The following SLC4A10 variants were observed in gnomAD, a reference collection of about 807,000 sequenced individuals.
SLC4A10 encodes sodium-driven chloride bicarbonate exchanger.
SLC4A10 carries 42 observed loss-of-function variants against 137.7 expected under a neutral mutation model. The ratio of observed to expected loss-of-function variants is 0.30; its 90% CI spans 0.24 to 0.39. The LOEUF is 0.39. Among genes scored for constraint, SLC4A10 ranks in the 10% least tolerant of loss-of-function variants. The pLI, the probability that SLC4A10 is intolerant of heterozygous loss-of-function variation, is 1.00. For synonymous variants in SLC4A10, 474 were observed against 464.1 expected, an observed-to-expected ratio of 1.02 and a Z score of -0.27; for missense variants, 925 against 1,355.0, an observed-to-expected ratio of 0.68 and a Z score of 4.98.
chr2:161,982,737 T>C (rs575469254), intron 26 of SLC4A10, among the ~76,000 whole-genome samples: 1 of 152,230 alleles, frequency 6.6e-6, no homozygotes, highest in East Asian at 1.9e-4. Context: ...CAGGATCCAG[T>C]CCATGCACAA....
At chr2:161,632,138 CT>C (rs1031560645) in intron 1 of SLC4A10, among the ~76,000 whole-genome samples, 3 of 151,588 alleles carry the variant, frequency 2.0e-5, no homozygotes, top group Non-Finnish European at 3.0e-5. Flanking sequence ...TTTCTAGTGT[CT>C]TTTTTCCCCC....
chr2:161,638,042 C>T (rs550128837), intron 1 of SLC4A10, among the ~76,000 whole-genome samples: 1 of 152,206 alleles, frequency 6.6e-6, no homozygotes, highest in South Asian at 2.1e-4. Flanking sequence ...TACCTTTTGT[C>T]AGATGCAAGG....
intron 1 of SLC4A10, among the ~76,000 whole-genome samples, chr2:161,703,305 T>TATTGGTATTCTATCAA (rs780455081): frequency 4.0e-5 from 6 of 151,716 alleles, no homozygotes; most frequent in Non-Finnish European, 7.4e-5. Flanking sequence ...TTCAATAAAG[T>TATTGGTATTCTATCAA]ATGGTACCTC....
chr2:161,701,809 G>C (rs373103046), intron 1 of SLC4A10, among the ~76,000 whole-genome samples: 2 of 151,700 alleles, frequency 1.3e-5, no homozygotes, highest in South Asian at 4.2e-4. Context: ...TCCCACATAT[G>C]AATGTGAAAT....
chr2:161,826,503 G>C (rs1036640383), intron 3 of SLC4A10, among the ~76,000 whole-genome samples: 2 of 152,188 alleles, frequency 1.3e-5, no homozygotes, highest in Non-Finnish European at 2.9e-5. Flanking sequence ...TGTCCAGAAA[G>C]TGTCTAAAAA....
intron 15 of SLC4A10, among the ~76,000 whole-genome samples, chr2:161,917,409 ATAGT>A (rs1231005037): frequency 6.6e-6 from 1 of 152,056 alleles, no homozygotes; most frequent in Non-Finnish European, 1.5e-5. Context: ...GATAGTGTAG[ATAGT>A]TAGATAGTTG....
intron 15 of SLC4A10, among the ~76,000 whole-genome samples, chr2:161,908,600 A>T (rs1685044654): frequency 8.3e-6 from 1 of 120,780 alleles, no homozygotes; most frequent in African/African-American, 3.2e-5. Context: ...AATAAAATTA[A>T]AAAAAAAAAA....
intron 1 of SLC4A10, among the ~76,000 whole-genome samples, chr2:161,672,667 A>C (rs1477620942): frequency 6.6e-6 from 1 of 152,142 alleles, no homozygotes; most frequent in Non-Finnish European, 1.5e-5. Context: ...CTGTCCTTTC[A>C]AGATTATATA....
chr2:161,633,768 A>G (rs761739969), intron 1 of SLC4A10, among the ~76,000 whole-genome samples: 1 of 151,786 alleles, frequency 6.6e-6, no homozygotes, highest in Non-Finnish European at 1.5e-5. Flanking sequence ...ATATAGAAGT[A>G]TGTCAATGAT....
chr2:161,808,505 T>C (rs1413807144), intron 3 of SLC4A10, among the ~76,000 whole-genome samples: 1 of 152,120 alleles, frequency 6.6e-6, no homozygotes, highest in Non-Finnish European at 1.5e-5. Context: ...GTTTGGGATA[T>C]GGATGGTCCT....
At chr2:161,902,827 C>T (rs1167199731) in intron 12 of SLC4A10, among the ~76,000 whole-genome samples, 7 of 151,936 alleles carry the variant, frequency 4.6e-5, no homozygotes, top group African/African-American at 1.7e-4. Context: ...AAGGACAGTC[C>T]TTTCTGAGAT....
Position 161,727,741 on chromosome 2 carries a change from TAGAA to T in SLC4A10, c.49-43227_49-43224del, listed in dbSNP as rs529058362. Among the ~76,000 whole-genome samples, 184 of 151,844 alleles carry T rather than the reference TAGAA, an allele frequency of 1.2e-3. 1 individual carries two copies. The highest frequency in any genetic ancestry group is 0.01 in the Middle Eastern group (3 of 294). ...ATTGAGAGGAAGGTGGAAAATAGAA[TAGAA>T]AGAATGAGAAAATTAGAAGACACAA... On this transcript the variant is annotated intron_variant, in intron 1 of 26. Coordinates refer to ENST00000446997, the MANE Select transcript of SLC4A10 (RefSeq NM_001178015.2).
intron 1 of SLC4A10, among the ~76,000 whole-genome samples, chr2:161,747,149 T>A (rs1377947941): frequency 2.6e-5 from 4 of 152,128 alleles, no homozygotes; most frequent in African/African-American, 9.7e-5. Context: ...TTGCAGCCCT[T>A]GTAGCCTAGA....
At chr2:161,783,992 T>C (rs2053347395) in intron 2 of SLC4A10, among the ~76,000 whole-genome samples, 1 of 151,788 alleles carries the variant, frequency 6.6e-6, no homozygotes, top group African/African-American at 2.4e-5. Flanking sequence ...TCACATGCTG[T>C]TATCAAGAGA....
At chr2:161,750,587 T>C (rs1164688913) in intron 1 of SLC4A10, among the ~76,000 whole-genome samples, 1 of 151,878 alleles carries the variant, frequency 6.6e-6, no homozygotes, top group African/African-American at 2.4e-5. Context: ...ACATCGTGGT[T>C]GGAAGATACT....
intron 15 of SLC4A10, 52 bp from the exon 16 acceptor site, chr2:161,942,740 A>T: frequency 7.3e-7 from 1 of 1,377,298 alleles, no homozygotes; most frequent in South Asian, 1.2e-5. Context: ...AGTCTTCGGT[A>T]CAGTCACAAA....
At chr2:161,772,492 G>T (rs188321150) in intron 2 of SLC4A10, among the ~76,000 whole-genome samples, 126 of 151,874 alleles carry the variant, frequency 8.3e-4, no homozygotes, top group African/African-American at 2.9e-3. Flanking sequence ...CATTTTAATT[G>T]TTATACCTAC....
chr2:161,879,022 T>G (rs1451161059), intron 8 of SLC4A10, 109 bp from the exon 9 acceptor site: 1 of 933,712 alleles, frequency 1.1e-6, no homozygotes, highest in African/African-American at 1.7e-5. Flanking sequence ...GTGTATTTAT[T>G]TAAACTATAT....
At chr2:161,709,513 A>G (rs2044056024) in intron 1 of SLC4A10, among the ~76,000 whole-genome samples, 2 of 151,624 alleles carry the variant, frequency 1.3e-5, no homozygotes, top group African/African-American at 4.8e-5. Context: ...TTGTTCATAG[A>G]AGAAAGGAGA....
Sources: gnomAD v4.1 joint callset for allele counts (sites outside exome capture counted in the v4.1 genomes callset) on GRCh38, gnomAD v4.1.1 for gene constraint, MANE v1.5 for transcripts, NCBI Gene and HGNC (gene_info 2026-07-23, HGNC 2026-07-21) for gene names.